The following ANK3 variants were observed in gnomAD, a reference collection of about 807,000 sequenced individuals.
ANK3 encodes the protein ankyrin 3.
ANK3 carries 57 observed loss-of-function variants against 370.9 expected under a neutral mutation model. That is an observed-to-expected ratio of 0.15 (90% confidence interval 0.12 to 0.19). ANK3 has a LOEUF of 0.19. ANK3 is among the 10% of genes least tolerant of loss of function. The pLI, the probability that ANK3 is intolerant of heterozygous loss-of-function variation, is 1.00. For missense variants in ANK3, 4,439 were observed against 5,302.1 expected, an observed-to-expected ratio of 0.84 and a Z score of 5.06; for synonymous variants, 1,929 against 1,946.3, an observed-to-expected ratio of 0.99 and a Z score of 0.23.
chr10:60,055,022 C>T (rs985765957), intron 42 of ANK3, among the ~76,000 whole-genome samples: 2 of 151,586 alleles, frequency 1.3e-5, no homozygotes, highest in Admixed American at 1.3e-4. Context: ...GCAAATCTAT[C>T]ACAGTGAGGT....
chr10:60,448,472 G>A (rs1006400632), intron 2 of ANK3, among the ~76,000 whole-genome samples: 10 of 152,310 alleles, frequency 6.6e-5, no homozygotes, highest in Non-Finnish European at 1.5e-4. Flanking sequence ...CTGGTTAGAT[G>A]CATTTTACTG....
intron 1 of ANK3, among the ~76,000 whole-genome samples, chr10:60,714,335 T>C (rs2079752217): frequency 6.6e-6 from 1 of 152,180 alleles, no homozygotes; most frequent in South Asian, 2.1e-4. Flanking sequence ...AAATACTAGT[T>C]TTCTACAATC....
intron 2 of ANK3, among the ~76,000 whole-genome samples, chr10:60,587,619 TC>T (rs2077850477): frequency 6.6e-6 from 1 of 152,062 alleles, no homozygotes; most frequent in Admixed American, 6.6e-5. Context: ...GAGTGAGGCA[TC>T]AAAAACAGTA....
intron 25 of ANK3, among the ~76,000 whole-genome samples, chr10:60,132,680 A>G (rs6479693): frequency 0.96 from 145,112 of 151,694 alleles, 69,769 homozygotes; most frequent in Non-Finnish European, 1. Flanking sequence ...ACAGTGGTGC[A>G]ATCTTGGCTC....
At chr10:60,167,900 G>A (rs531986409) in intron 21 of ANK3, among the ~76,000 whole-genome samples, 1 of 152,176 alleles carries the variant, frequency 6.6e-6, no homozygotes, top group Admixed American at 6.5e-5. Context: ...TACTGCAATG[G>A]AGCAGTTTTA....
chr10:60,276,513 G>T (rs1014703282), intron 4 of ANK3, among the ~76,000 whole-genome samples: 1 of 152,150 alleles, frequency 6.6e-6, no homozygotes, highest in African/African-American at 2.4e-5. Context: ...TCAGATGAAG[G>T]GGCAAATGCT....
intron 8 of ANK3, among the ~76,000 whole-genome samples, chr10:60,231,463 C>T (rs1342260090): frequency 6.6e-6 from 1 of 152,116 alleles, no homozygotes; most frequent in Non-Finnish European, 1.5e-5. Context: ...AGCAAGGTTG[C>T]CACAATAGTA....
chr10:60,486,660 T>C (rs948231731), intron 2 of ANK3, among the ~76,000 whole-genome samples: 8 of 152,218 alleles, frequency 5.3e-5, no homozygotes, highest in African/African-American at 7.2e-5. Context: ...TTCCAGACTT[T>C]CTGATTTTAT....
In ANK3 at chr10:60,594,711, T is replaced by C. The variant is rs11816054; in HGVS notation, c.96+20475A>G. Reference sequence around the variant, plus strand: ...TTTGCCATTTGTGATCTGTAATTTATCTGCAGAAAATTTACATTCATAGTA... The same window carrying C: ...TTTGCCATTTGTGATCTGTAATTTACCTGCAGAAAATTTACATTCATAGTA... On this transcript the variant is annotated intron_variant, in intron 2 of 43. Coordinates refer to the ANK3 transcript ENST00000373827. 3.1e-3 allele frequency among the ~76,000 whole-genome samples: 467 copies of C among 152,292 alleles called. 2 individuals are homozygous for C. The highest frequency in any genetic ancestry group is 0.011 in the African/African-American group (445 of 41,572).
chr10:60,166,730 C>T (rs2095634187), intron 22 of ANK3, 77 bp from the exon 23 acceptor site: 16 of 1,584,800 alleles, frequency 1.0e-5, no homozygotes, highest in Non-Finnish European at 1.4e-5. Flanking sequence ...TTTCAATATT[C>T]CTGATAAACA....
At chr10:60,545,820 A>C (rs1015378325) in intron 2 of ANK3, among the ~76,000 whole-genome samples, 2 of 152,192 alleles carry the variant, frequency 1.3e-5, no homozygotes, top group African/African-American at 4.8e-5. Context: ...ATATCACTAA[A>C]ATTATATAAT....
chr10:60,161,546 T>A (rs1432957880), intron 23 of ANK3, among the ~76,000 whole-genome samples: 2 of 152,202 alleles, frequency 1.3e-5, no homozygotes, highest in African/African-American at 2.4e-5. Context: ...AATGAAATAT[T>A]ATTCAGCCAC....
rs900839962 is a variant in ANK3, at chr10:60,186,345, G to C, written c.2085+370C>G. Among the ~76,000 whole-genome samples the C allele has an allele frequency of 4.6e-4, 54 of 117,742 alleles. 1 individual carries two copies. In the South Asian group the frequency reaches 0.011, roughly 23 times the overall value. 77.2% of individuals were successfully genotyped at this position (117,742 alleles called of 152,430 possible). On this transcript the variant is annotated intron_variant, in intron 17 of 43. Transcript: ENST00000280772. ...ATTATTTATTTACCATTATCTTTCT[G>C]TCTTTTTTTTTTTTTTTTTTAAAGA...
chr10:60,257,090 A>G (rs2097751451), intron 7 of ANK3, among the ~76,000 whole-genome samples: 1 of 152,244 alleles, frequency 6.6e-6, no homozygotes, highest in South Asian at 2.1e-4. Context: ...CCAACAGTAT[A>G]TAAGTGCAGA....
chr10:60,484,983 A>C (rs2075314015), intron 2 of ANK3, among the ~76,000 whole-genome samples: 1 of 152,226 alleles, frequency 6.6e-6, no homozygotes, highest in Non-Finnish European at 1.5e-5. Context: ...ATTAAATCCG[A>C]TATTTCCTTG....
intron 2 of ANK3, among the ~76,000 whole-genome samples, chr10:60,426,823 T>C (rs1477246564): frequency 6.6e-6 from 1 of 152,130 alleles, no homozygotes; most frequent in Non-Finnish European, 1.5e-5. Flanking sequence ...GAAGCCAATA[T>C]GTAACGAACA....
At chr10:60,332,321 T>C (rs1282156802) in intron 1 of ANK3, among the ~76,000 whole-genome samples, 1 of 152,236 alleles carries the variant, frequency 6.6e-6, no homozygotes, top group Admixed American at 6.5e-5. Flanking sequence ...TAATATTTAA[T>C]ACAATGTGTC....
Position 60,262,418 on chromosome 10 carries a change from C to T in ANK3, c.700-461G>A, listed in dbSNP as rs116721345. Among the ~76,000 whole-genome samples, 437 of 152,226 alleles carry T rather than the reference C, an allele frequency of 2.9e-3. 2 individuals carry two copies. Among genetic ancestry groups the T allele is most frequent in the African/African-American group, 0.01 (418 of 41,540 alleles). On this transcript the variant is annotated intron_variant, in intron 6 of 43. Coordinates refer to ENST00000280772, the MANE Select transcript of ANK3 (RefSeq NM_020987.5). ...GACAAAAGCAGTTTTGGGGGGAAGA[C>T]GTACTACCACAAAGTTGGTTTTATA...
In ANK3 at chr10:60,198,277, G is replaced by A. The variant is rs1186359684; in HGVS notation, c.1689+63C>T. The A allele has an allele frequency of 3.9e-6, 6 of 1,537,912 alleles. No homozygotes were observed. The African/African-American group carries it at 5.5e-5, about 14-fold the overall frequency. ...GCAGCTTCTGGACCTGTTACTATGC[G>A]GGGAAACGTAAGGAAGATGTATTTG... is the stretch of plus-strand genomic sequence containing the variant. On this transcript the variant is annotated intron_variant, in intron 14 of 43. Transcript: ENST00000280772.
Sources: gnomAD v4.1 joint callset for allele counts (sites outside exome capture counted in the v4.1 genomes callset) on GRCh38, gnomAD v4.1.1 for gene constraint, MANE v1.5 for transcripts, NCBI Gene and HGNC (gene_info 2026-07-23, HGNC 2026-07-21) for gene names.